The following UPF2 variants were observed in gnomAD, a reference collection of about 807,000 sequenced individuals.
The protein encoded by UPF2 is regulator of nonsense transcripts 2.
In UPF2, 17 loss-of-function variants were observed where a neutral mutation model predicts 141.4. The ratio of observed to expected loss-of-function variants is 0.12; its 90% CI spans 0.08 to 0.18. UPF2 has a LOEUF of 0.18. Among genes scored for constraint, UPF2 ranks in the 10% least tolerant of loss-of-function variants. UPF2 has a pLI of 1.00. For synonymous variants in UPF2, 540 were observed against 498.0 expected (o/e 1.08, Z -1.12); for missense variants, 1,152 against 1,515.9 (o/e 0.76, Z 3.99).
intron 4 of UPF2, among the ~76,000 whole-genome samples, chr10:12,011,939 C>CT (rs1046564537): frequency 4.0e-5 from 6 of 151,518 alleles, no homozygotes; most frequent in African/African-American, 1.5e-4. Context: ...GAGCGAAACT[C>CT]TGTCTCAAAA....
At chr10:11,963,979 T>C in intron 11 of UPF2, 30 bp downstream of exon 11, 1 of 1,515,556 alleles carries the variant, frequency 6.6e-7, no homozygotes, top group Non-Finnish European at 9.1e-7. Context: ...CAAGAACCTC[T>C]AGCTCTTACC....
intron 4 of UPF2, among the ~76,000 whole-genome samples, chr10:12,012,796 CAAA>C (rs753104549): frequency 1.1e-4 from 7 of 63,666 alleles, no homozygotes; most frequent in Admixed American, 3.3e-4. Flanking sequence ...AAGACTCCGC[CAAA>C]AAAAAAAAAA....
chr10:11,967,508 A>T, intron 9 of UPF2, 54 bp from the exon 10 acceptor site: 1 of 1,011,022 alleles, frequency 9.9e-7, no homozygotes, highest in Non-Finnish European at 1.4e-6. Flanking sequence ...AATCTCTGTG[A>T]TAAAAACTAT....
rs963613832 is a variant in UPF2 at position 11,939,381 on chromosome 10, T to C, written c.3379-2669A>G. Reference sequence around the variant, plus strand: ...CAACTTTATTTTTGTTTATTGTCTGTTTTCCCTTAACTGATTTGCAACGTT... The same window carrying C: ...CAACTTTATTTTTGTTTATTGTCTGCTTTCCCTTAACTGATTTGCAACGTT... On this transcript the variant is annotated intron_variant, in intron 18 of 21. Transcript: ENST00000357604. The surrounding 1 kb of genome is among the most constrained non-coding windows in gnomAD (Gnocchi z 4.8). 4.9e-4 allele frequency among the ~76,000 whole-genome samples: 74 copies of C among 152,234 alleles called. No homozygotes were observed. The highest frequency in any genetic ancestry group is 1.7e-3 in the African/African-American group (72 of 41,458).
At chr10:11,934,547 G>A (rs2131157180) in intron 19 of UPF2, among the ~76,000 whole-genome samples, 1 of 152,214 alleles carries the variant, frequency 6.6e-6, no homozygotes, top group Middle Eastern at 3.4e-3. Flanking sequence ...CATGAGTCAT[G>A]CCGTGAAGTC....
chr10:11,960,366 G>C (rs113410862), intron 11 of UPF2, among the ~76,000 whole-genome samples: 17 of 152,106 alleles, frequency 1.1e-4, no homozygotes, highest in African/African-American at 3.9e-4. Context: ...GGGCAACAAA[G>C]TGAGACCCCA....
At chr10:12,026,669 G>A (rs1338576515) in intron 3 of UPF2, 2 of 375,624 alleles carry the variant, frequency 5.3e-6, no homozygotes, top group South Asian at 3.7e-5. Context: ...TTTTTTTTTA[G>A]GACGAAGTCT....
intron 3 of UPF2, among the ~76,000 whole-genome samples, chr10:12,022,220 T>C (rs900778415): frequency 3.3e-4 from 50 of 152,020 alleles, no homozygotes; most frequent in African/African-American, 1.2e-3. Flanking sequence ...GAGACCAGCC[T>C]GGGCAACATG....
chr10:11,960,889 C>A (rs984552869), intron 11 of UPF2, among the ~76,000 whole-genome samples: 1 of 151,824 alleles, frequency 6.6e-6, no homozygotes, highest in Non-Finnish European at 1.5e-5. Context: ...GCCGGGAGTT[C>A]GAGAGCAGTC....
chr10:11,990,177 C>T (rs1347476104), intron 8 of UPF2, among the ~76,000 whole-genome samples: 1 of 152,188 alleles, frequency 6.6e-6, no homozygotes, highest in Non-Finnish European at 1.5e-5. Flanking sequence ...CCAAACAGGG[C>T]AGATCTTCAA....
intron 4 of UPF2, among the ~76,000 whole-genome samples, chr10:12,011,607 GA>G (rs1834128772): frequency 6.6e-6 from 1 of 151,536 alleles, no homozygotes; most frequent in Non-Finnish European, 1.5e-5. Flanking sequence ...AACAATGACA[GA>G]ATTTTTTCAA....
At chr10:11,951,820 C>T (rs1054111403) in intron 15 of UPF2, among the ~76,000 whole-genome samples, 1 of 151,448 alleles carries the variant, frequency 6.6e-6, no homozygotes, top group Non-Finnish European at 1.5e-5. Context: ...GGTTTTTTTT[C>T]CCCCATCACT....
At chr10:12,041,923 TCA>T (rs1834741965) in intron 1 of UPF2, among the ~76,000 whole-genome samples, 1 of 152,158 alleles carries the variant, frequency 6.6e-6, no homozygotes, top group Admixed American at 6.5e-5. Flanking sequence ...GAAGGTCCGA[TCA>T]CCCCAGCGTG....
chr10:12,034,969 C>T, intron 2 of UPF2, 90 bp downstream of exon 2: 1 of 1,493,228 alleles, frequency 6.7e-7, no homozygotes. Context: ...GAGCTGCACC[C>T]AGGACGCTAT....
At chr10:11,938,862 T>TTTTTTTTG (rs1832893996) in intron 18 of UPF2, among the ~76,000 whole-genome samples, 4 of 79,854 alleles carry the variant, frequency 5.0e-5, no homozygotes, top group Admixed American at 3.6e-4. Flanking sequence ...TGTTTTTTTT[T>TTTTTTTTG]TTTTTTTTTT....
chr10:12,040,304 C>T (rs1039563195), intron 1 of UPF2, among the ~76,000 whole-genome samples: 3 of 152,122 alleles, frequency 2.0e-5, no homozygotes, highest in Non-Finnish European at 2.9e-5. Context: ...CGCCTGTAGT[C>T]CCAGCTACTC....
At chr10:11,977,624 CT>C (rs1277896454) in intron 9 of UPF2, among the ~76,000 whole-genome samples, 4 of 152,156 alleles carry the variant, frequency 2.6e-5, no homozygotes, top group Admixed American at 6.6e-5. Context: ...GATATAATAA[CT>C]CATACTGTCC....
At chr10:12,004,435 T>C in intron 5 of UPF2, 95 bp downstream of exon 5, 1 of 962,594 alleles carries the variant, frequency 1.0e-6, no homozygotes, top group East Asian at 2.7e-5. Flanking sequence ...ATTACAAAAC[T>C]AGTAACTACA....
In UPF2 at chr10:11,992,045, C is replaced by G. The variant is rs1833789576; in HGVS notation, c.1844+5627G>C. On this transcript the variant is annotated intron_variant, in intron 8 of 21. Coordinates refer to ENST00000357604, the MANE Select transcript of UPF2 (RefSeq NM_015542.4). The surrounding 1 kb of genome is among the most constrained non-coding windows in gnomAD (Gnocchi z 4.1). Reference sequence around the variant, plus strand: ...CCTGTAATCCCAGCTACTCAGGAGCCTGAGGCAGAAGAATCGCTTGAACTG... The same window carrying G: ...CCTGTAATCCCAGCTACTCAGGAGCGTGAGGCAGAAGAATCGCTTGAACTG... 2.6e-5 allele frequency among the ~76,000 whole-genome samples: 4 copies of G among 152,118 alleles called. No individual in the cohort carries two copies. The South Asian group carries it at 8.3e-4, about 32-fold the overall frequency.
Sources: allele counts gnomAD v4.1 joint callset (sites outside exome capture counted in the v4.1 genomes callset), GRCh38; gene constraint gnomAD v4.1.1; non-coding constraint Gnocchi (gnomAD v3.1); transcripts MANE v1.5; gene names NCBI Gene and HGNC (gene_info 2026-07-23, HGNC 2026-07-21).